Variants in COL25A1 observed in about 807,000 individuals in gnomAD.
The protein encoded by COL25A1 is collagen alpha-1(XXV) chain.
Under a neutral mutation model 128.4 loss-of-function variants are expected in COL25A1, and 103 were observed. That is an observed-to-expected ratio of 0.80 (90% CI 0.68 to 0.94). The LOEUF (loss-of-function observed/expected upper bound fraction) is 0.94. Among genes scored for constraint, COL25A1 ranks in the 40% least tolerant of loss-of-function variants. The pLI is 0.00. For synonymous variants in COL25A1, 279 were observed against 277.2 expected (o/e 1.01, Z -0.06); for missense variants, 745 against 840.0 (o/e 0.89, Z 1.40).
At chr4:108,852,197 C>T in intron 26 of COL25A1, 39 bp downstream of exon 26, 1 of 1,504,862 alleles carries the variant, frequency 6.6e-7, no homozygotes, top group Non-Finnish European at 9.2e-7. Flanking sequence ...ATTCCCTGCA[C>T]TGTATGTGAT....
intron 6 of COL25A1, 35 bp downstream of exon 6, chr4:109,010,323 A>G: frequency 6.5e-7 from 1 of 1,542,870 alleles, no homozygotes; most frequent in Non-Finnish European, 8.8e-7. Context: ...AAAATCCTAA[A>G]TTGAAAATAA....
intron 14 of COL25A1, among the ~76,000 whole-genome samples, chr4:108,900,375 C>A (rs1459936591): frequency 6.6e-6 from 1 of 152,136 alleles, no homozygotes; most frequent in Non-Finnish European, 1.5e-5. Flanking sequence ...CTGTCAATAG[C>A]AAATGATCTG....
At chr4:108,883,770 T>C (rs1281884126) in intron 19 of COL25A1, among the ~76,000 whole-genome samples, 2 of 152,194 alleles carry the variant, frequency 1.3e-5, no homozygotes, top group African/African-American at 4.8e-5. Context: ...ATTATTATAA[T>C]GAGTGAATCA....
At chr4:108,925,691 A>G (rs1357573705) in intron 11 of COL25A1, among the ~76,000 whole-genome samples, 1 of 152,216 alleles carries the variant, frequency 6.6e-6, no homozygotes, top group Non-Finnish European at 1.5e-5. Flanking sequence ...ACTTTAGACA[A>G]TAGTGTCTCA....
intron 3 of COL25A1, among the ~76,000 whole-genome samples, chr4:109,201,486 T>G (rs1776555745): frequency 6.6e-6 from 1 of 152,132 alleles, no homozygotes. Context: ...GAGGGTAACT[T>G]TCTCAACCAG....
chr4:108,926,931 C>A lies in COL25A1; in HGVS notation c.709-6327G>T, dbSNP rs374056752. On this transcript the variant is annotated intron_variant, in intron 11 of 37. Transcript: ENST00000399132. ...GAAATGTTTAGAATATAAGAGAGTG[C>A]ACTGCAATGTTTTCAATGTAAAAGC... Among the ~76,000 whole-genome samples the A allele has an allele frequency of 2.6e-5, 4 of 152,022 alleles. No individual in the cohort carries two copies. In the East Asian group the frequency reaches 5.8e-4, roughly 22 times the overall value.
At chr4:109,206,934 C>T (rs187949449) in intron 3 of COL25A1, among the ~76,000 whole-genome samples, 4 of 152,180 alleles carry the variant, frequency 2.6e-5, no homozygotes, top group South Asian at 2.1e-4. Flanking sequence ...ACCAAATGAA[C>T]GTCTTTTAGT....
At chr4:108,901,037 T>A in intron 14 of COL25A1, 82 bp downstream of exon 14, 2 of 1,133,620 alleles carry the variant, frequency 1.8e-6, no homozygotes, top group Non-Finnish European at 2.7e-6. Flanking sequence ...GTGAGATTGT[T>A]AAAAATTGTA....
intron 3 of COL25A1, among the ~76,000 whole-genome samples, chr4:109,133,129 G>A (rs182791766): frequency 6.6e-6 from 1 of 152,064 alleles, no homozygotes; most frequent in Non-Finnish European, 1.5e-5. Flanking sequence ...TAGGTCTATT[G>A]TACACTGGTT....
intron 13 of COL25A1, among the ~76,000 whole-genome samples, chr4:108,911,868 C>T (rs552292709): frequency 6.8e-6 from 1 of 147,978 alleles, no homozygotes; most frequent in African/African-American, 2.5e-5. Context: ...CCTATTCTCT[C>T]AGCAATCCCA....
At chr4:109,261,372 C>A (rs907961480) in intron 3 of COL25A1, among the ~76,000 whole-genome samples, 34 of 152,134 alleles carry the variant, frequency 2.2e-4, no homozygotes, top group African/African-American at 7.5e-4. Flanking sequence ...CAAAAATTAG[C>A]CAGGTATGGT....
In COL25A1 at chr4:109,140,923, A is replaced by C. The variant is rs186530281; in HGVS notation, c.368-90744T>G. ...CTCTCCTCCTATGTGAATACCCTTT[A>C]TTTCTTTCTCTTGCCTGAGTACCCT... On this transcript the variant is annotated intron_variant, in intron 3 of 37. Coordinates refer to ENST00000399132, the MANE Select transcript of COL25A1 (RefSeq NM_198721.4). Among the ~76,000 whole-genome samples, 25 of 152,210 alleles carry C rather than the reference A, an allele frequency of 1.6e-4. 1 individual carries two copies. The South Asian group carries it at 4.8e-3, about 29-fold the overall frequency.
Position 109,300,620 on chromosome 4 carries a change from G to T in COL25A1, c.330C>A (p.Ile110=). 6.2e-7 allele frequency: 1 copy of T among 1,611,874 alleles called. No homozygotes were observed. The highest frequency in any genetic ancestry group is 8.5e-7 in the Non-Finnish European group (1 of 1,178,080). Residue 110 remains isoleucine, a synonymous_variant, in exon 3 of 38, where the codon ATC becomes ATA. Transcript: ENST00000399132. ...KSYEHMAKIR[I]AREAPSECNC... ...TACATTCTGAAGGTGCTTCTCTTGC[G>T]ATTCTTATTTTAGCCATATGTTCAT...
intron 36 of COL25A1, among the ~76,000 whole-genome samples, chr4:108,817,967 G>C (rs1414325512): frequency 2.6e-5 from 4 of 152,084 alleles, no homozygotes; most frequent in Admixed American, 1.3e-4. Flanking sequence ...AATTGAATTA[G>C]AGGACAGGCA....
intron 24 of COL25A1, among the ~76,000 whole-genome samples, chr4:108,853,419 A>G (rs1201146266): frequency 1.4e-4 from 22 of 151,976 alleles, no homozygotes; most frequent in Admixed American, 1.4e-3. Flanking sequence ...ATAACTAAAG[A>G]TATTAGTCGA....
At chr4:108,854,408 A>G (rs557699116) in intron 24 of COL25A1, among the ~76,000 whole-genome samples, 4 of 152,314 alleles carry the variant, frequency 2.6e-5, no homozygotes, top group East Asian at 1.9e-4. Context: ...TAGCAAAAAA[A>G]CTACCATCAG....
intron 3 of COL25A1, among the ~76,000 whole-genome samples, chr4:109,057,587 T>G (rs987515842): frequency 6.6e-6 from 1 of 151,826 alleles, no homozygotes; most frequent in Non-Finnish European, 1.5e-5. Flanking sequence ...TGGCCTCAAT[T>G]TGAAATAAAG....
intron 3 of COL25A1, among the ~76,000 whole-genome samples, chr4:109,126,449 C>T (rs1464445706): frequency 6.6e-6 from 1 of 152,082 alleles, no homozygotes; most frequent in Non-Finnish European, 1.5e-5. Flanking sequence ...AATTTCATTA[C>T]CATATCACCA....
chr4:109,186,728 C>T, intron 3 of COL25A1, among the ~76,000 whole-genome samples: 1 of 152,150 alleles, frequency 6.6e-6, no homozygotes, highest in Non-Finnish European at 1.5e-5. Context: ...ATTCTGAGTC[C>T]CTCTAAACAA....
Sources: gnomAD v4.1 joint callset for allele counts (sites outside exome capture counted in the v4.1 genomes callset) on GRCh38, gnomAD v4.1.1 for gene constraint, MANE v1.5 for transcripts, NCBI Gene and HGNC (gene_info 2026-07-23, HGNC 2026-07-21) for gene names.